ADCY9: variants seen among roughly 807,000 people sequenced by gnomAD.
The protein encoded by ADCY9 is adenylate cyclase 9, also known as adenylate cyclase type 9.
In ADCY9, 50 loss-of-function variants were observed where a neutral mutation model predicts 101.5. That is an observed-to-expected ratio of 0.49 (90% CI 0.39 to 0.62). ADCY9 has a LOEUF of 0.62. Among genes scored for constraint, ADCY9 ranks in the 20% least tolerant of loss-of-function variants. The probability of loss-of-function intolerance (pLI) is 0.00; values close to 1 mark genes in which losing one functional copy is unlikely to be tolerated. For missense variants in ADCY9, 1,662 were observed against 1,800.4 expected (o/e 0.92, Z 1.39); for synonymous variants, 905 against 769.3 (o/e 1.18, Z -2.92).
chr16:4,017,643 C>CAAAA (rs60693958), intron 2 of ADCY9, among the ~76,000 whole-genome samples: 3 of 87,262 alleles, frequency 3.4e-5, no homozygotes, highest in African/African-American at 7.9e-5. Context: ...AACTCCTTCT[C>CAAAA]AAAAAAAAAA....
At chr16:4,068,178 A>T (rs17136751) in intron 2 of ADCY9, among the ~76,000 whole-genome samples, 26,085 of 152,124 alleles carry the variant, frequency 0.17, 2,415 homozygotes, top group African/African-American at 0.24. Context: ...TTTACAGTCA[A>T]GGATGATTTT....
chr16:3,999,380 CTG>C (rs1300582634), intron 3 of ADCY9, among the ~76,000 whole-genome samples: 2 of 152,326 alleles, frequency 1.3e-5, no homozygotes, highest in Non-Finnish European at 1.5e-5. Flanking sequence ...TGCAGCCACA[CTG>C]TGAGGCAGCA....
intron 2 of ADCY9, among the ~76,000 whole-genome samples, chr16:4,096,197 T>C (rs533949078): frequency 6.6e-6 from 1 of 152,276 alleles, no homozygotes; most frequent in African/African-American, 2.4e-5. Flanking sequence ...CTATGCTAAA[T>C]GTGTCTAAAT....
intron 2 of ADCY9, among the ~76,000 whole-genome samples, chr16:4,112,695 T>C (rs2057121435): frequency 6.6e-6 from 1 of 152,054 alleles, no homozygotes; most frequent in African/African-American, 2.4e-5. Context: ...CAAAATACAA[T>C]ACAGCTTCAC....
At chr16:3,962,450 A>G (rs970427013), downstream of ADCY9, among the ~76,000 whole-genome samples, 3 of 152,164 alleles carry the variant, frequency 2.0e-5, no homozygotes, top group Non-Finnish European at 4.4e-5. Flanking sequence ...AGTTAACTGG[A>G]GCAAATAGAT....
At chr16:3,997,398 G>C (rs2056295871) in intron 3 of ADCY9, among the ~76,000 whole-genome samples, 1 of 152,262 alleles carries the variant, frequency 6.6e-6, no homozygotes, top group African/African-American at 2.4e-5. Context: ...GGATGAGGCT[G>C]AGCTCTGGGG....
At chr16:4,006,161 TG>T (rs1217586916) in intron 3 of ADCY9, among the ~76,000 whole-genome samples, 1 of 152,192 alleles carries the variant, frequency 6.6e-6, no homozygotes, top group East Asian at 1.9e-4. Flanking sequence ...GAGACATTTT[TG>T]GTTGGCACAG....
rs1360511958 is a variant in ADCY9 at position 4,100,507 on chromosome 16, T to C, written c.1693+13243A>G. On this transcript the variant is annotated intron_variant, in intron 2 of 10. Transcript: ENST00000294016. The stretch of plus-strand genomic sequence containing the variant: ...ACCACGCCTGGCTAATTTTTTGTAT[T>C]TTTAGTAGACACGGGGTTTTGCCAT... Among the ~76,000 whole-genome samples the C allele has an allele frequency of 2.6e-5, 4 of 151,940 alleles. No individual in the cohort carries two copies. In the East Asian group the frequency reaches 7.7e-4, roughly 29 times the overall value.
intron 2 of ADCY9, among the ~76,000 whole-genome samples, chr16:4,036,890 TCTC>T (rs1462589146): frequency 6.6e-6 from 1 of 152,002 alleles, no homozygotes; most frequent in Non-Finnish European, 1.5e-5. Flanking sequence ...TCTTGACCCT[TCTC>T]CTCCCCGCCA....
intron 2 of ADCY9, among the ~76,000 whole-genome samples, chr16:4,063,590 T>C (rs2141162541): frequency 6.6e-6 from 1 of 152,044 alleles, no homozygotes; most frequent in South Asian, 2.1e-4. Flanking sequence ...TACACACCTG[T>C]AGCCTCAGCT....
At position 4,111,744 on chromosome 16, in the gene ADCY9, T is replaced by A. The variant is rs557966489; in HGVS notation, c.1693+2006A>T. Among the ~76,000 whole-genome samples, 423 of 151,678 alleles carry A rather than the reference T, an allele frequency of 2.8e-3. 3 individuals carry two copies. Among genetic ancestry groups the A allele is most frequent in the Non-Finnish European group, 5.0e-3 (340 of 67,900 alleles). On this transcript the variant is annotated intron_variant, in intron 2 of 10. Coordinates refer to ENST00000294016, the MANE Select transcript of ADCY9 (RefSeq NM_001116.4). ...CTATCTTCCCTACTCCCTACAGTAC[T>A]AAAACTTTTATAAATATACAATGTA...
chr16:4,044,407 A>G (rs1342407769), intron 2 of ADCY9, among the ~76,000 whole-genome samples: 2 of 152,212 alleles, frequency 1.3e-5, no homozygotes, highest in African/African-American at 2.4e-5. Context: ...TTTATGAAGT[A>G]AATAATAAAA....
At chr16:4,109,270 C>T (rs2057098854) in intron 2 of ADCY9, among the ~76,000 whole-genome samples, 1 of 152,174 alleles carries the variant, frequency 6.6e-6, no homozygotes, top group Admixed American at 6.5e-5. Flanking sequence ...CACTCTGTCG[C>T]CCAGGCTGGA....
intron 2 of ADCY9, among the ~76,000 whole-genome samples, chr16:4,014,634 G>C (rs1458389843): frequency 6.6e-6 from 1 of 151,802 alleles, no homozygotes; most frequent in Non-Finnish European, 1.5e-5. Flanking sequence ...TTTTAGCAGA[G>C]AGGGGGTTTT....
intron 2 of ADCY9, among the ~76,000 whole-genome samples, chr16:4,068,258 C>G (rs17136754): frequency 0.17 from 25,847 of 151,502 alleles, 2,374 homozygotes; most frequent in African/African-American, 0.24. Flanking sequence ...TTTTTGCCAA[C>G]TAGGAAAACT....
intron 2 of ADCY9, among the ~76,000 whole-genome samples, chr16:4,030,634 T>G (rs1390390040): frequency 1.3e-5 from 2 of 150,150 alleles, no homozygotes; most frequent in African/African-American, 4.9e-5. Flanking sequence ...ACCTGGGAGG[T>G]GGAGGTTGCA....
At chr16:4,108,111 C>G (rs896286058) in intron 2 of ADCY9, among the ~76,000 whole-genome samples, 1 of 152,200 alleles carries the variant, frequency 6.6e-6, no homozygotes, top group Non-Finnish European at 1.5e-5. Context: ...AGCGGAGGAG[C>G]ATCTTCATTC....
intron 2 of ADCY9, among the ~76,000 whole-genome samples, chr16:4,095,232 C>T (rs1048330732): frequency 1.3e-5 from 2 of 152,132 alleles, no homozygotes; most frequent in African/African-American, 2.4e-5. Flanking sequence ...AACTCCTGAT[C>T]TCAGGTGATC....
chr16:4,110,371 A>C lies in ADCY9; in HGVS notation c.1693+3379T>G, dbSNP rs1325462657. Among the ~76,000 whole-genome samples, 60 of 126,602 alleles carry C rather than the reference A, an allele frequency of 4.7e-4. 3 individuals carry two copies. Among genetic ancestry groups the C allele is most frequent in the Non-Finnish European group, 6.8e-4 (41 of 60,316 alleles). 83.1% of individuals were successfully genotyped at this position (126,602 alleles called of 152,430 possible). A position where few individuals can be genotyped will look rare whatever the true frequency, so the allele number is the denominator to read the frequency against. ...AGGGCAGTTTTGCAATCATACTTAT[A>C]CCTACTTTTTTTTTTTTTTTTTTTT... On this transcript the variant is annotated intron_variant, in intron 2 of 10. Coordinates refer to ENST00000294016, the MANE Select transcript of ADCY9 (RefSeq NM_001116.4).
Sources: gnomAD v4.1 joint callset for allele counts (sites outside exome capture counted in the v4.1 genomes callset) on GRCh38, gnomAD v4.1.1 for gene constraint, MANE v1.5 for transcripts, NCBI Gene and HGNC (gene_info 2026-07-23, HGNC 2026-07-21) for gene names.